The following AUTS2 variants were observed in gnomAD, a reference collection of about 807,000 sequenced individuals.
The protein encoded by AUTS2 is activator of transcription and developmental regulator AUTS2, also known as autism susceptibility gene 2 protein.
A neutral mutation model predicts 112.4 loss-of-function variants in AUTS2; 17 were observed. The observed-to-expected ratio is 0.15, with a 90% confidence interval of 0.10 to 0.23. The LOEUF (loss-of-function observed/expected upper bound fraction) is 0.23. AUTS2 is among the 10% of genes least tolerant of loss of function. AUTS2 has a pLI of 1.00. For missense variants in AUTS2, 1,510 were observed against 1,701.6 expected (o/e 0.89, Z 1.98); for synonymous variants, 751 against 702.7 (o/e 1.07, Z -1.09).
intron 4 of AUTS2, among the ~76,000 whole-genome samples, chr7:70,236,341 G>A (rs1004287953): frequency 3.9e-5 from 6 of 152,282 alleles, no homozygotes; most frequent in African/African-American, 1.4e-4. Context: ...CAGTATTTGT[G>A]ATTCTTCTAG....
intron 6 of AUTS2, among the ~76,000 whole-genome samples, chr7:70,703,586 T>A (rs570925790): frequency 8.5e-4 from 128 of 150,648 alleles, no homozygotes; most frequent in African/African-American, 2.9e-3. Flanking sequence ...AAGAAAAAAA[T>A]TTGGTTTACA....
At chr7:70,698,915 G>T in intron 6 of AUTS2, 1 of 256,746 alleles carries the variant, frequency 3.9e-6, no homozygotes, top group Non-Finnish European at 7.3e-6. Flanking sequence ...TTCTCAAAAT[G>T]CCTGAACTTT....
At chr7:70,586,462 G>A (rs563966034) in intron 5 of AUTS2, among the ~76,000 whole-genome samples, 32 of 152,050 alleles carry the variant, frequency 2.1e-4, no homozygotes, top group Non-Finnish European at 3.7e-4. Flanking sequence ...GTAGGGGAGT[G>A]TATTTGTTGG....
chr7:69,856,519 G>C (rs1253835264), intron 1 of AUTS2, among the ~76,000 whole-genome samples: 2 of 152,030 alleles, frequency 1.3e-5, no homozygotes, highest in Non-Finnish European at 1.5e-5. Context: ...TTATAAACAG[G>C]AGATCTTTTA....
intron 4 of AUTS2, among the ~76,000 whole-genome samples, chr7:70,214,944 GA>G (rs1285347921): frequency 2.0e-5 from 3 of 152,126 alleles, no homozygotes; most frequent in Non-Finnish European, 1.5e-5. Context: ...ATGATATCCA[GA>G]AGTTTCCAAG....
chr7:70,514,395 A>G (rs987265237), intron 5 of AUTS2, among the ~76,000 whole-genome samples: 1 of 152,238 alleles, frequency 6.6e-6, no homozygotes, highest in Non-Finnish European at 1.5e-5. Context: ...GCACCAGCAT[A>G]TGCTTGGCTT....
At chr7:70,607,905 A>T (rs917812180) in intron 5 of AUTS2, among the ~76,000 whole-genome samples, 2 of 152,216 alleles carry the variant, frequency 1.3e-5, no homozygotes, top group Non-Finnish European at 2.9e-5. Context: ...GGAACTGCAC[A>T]TGTGGAATGT....
chr7:70,755,408 T>C (rs1263204710), intron 6 of AUTS2, among the ~76,000 whole-genome samples: 3 of 152,174 alleles, frequency 2.0e-5, no homozygotes, highest in Non-Finnish European at 4.4e-5. Context: ...CTCACGCCTG[T>C]AATCCCAGCA....
chr7:70,763,175 C>T lies in AUTS2; in HGVS notation c.1048C>T (p.Leu350Phe), dbSNP rs773774632. Residue 350 changes from leucine to phenylalanine, a missense_variant, in exon 7 of 19, where the codon CTC becomes TTC. Around this residue, in one of 3 missense-constraint regions of AUTS2, gnomAD observed 535 missense variants for 594.3 expected, o/e 0.90. Transcript: ENST00000342771. ...ACCACAGGGCCCTCCTGAGGCCCAG[C>T]TCCAGCCTGCCCCGCAGCCTCAGGT... ...QPPQGPPEAQ[L>F]QPAPQPQVQR... 7 of 1,613,992 alleles carry T rather than the reference C, an allele frequency of 4.3e-6. No homozygotes were observed. Among genetic ancestry groups the T allele is most frequent in the Non-Finnish European group, 5.9e-6 (7 of 1,179,948 alleles).
At chr7:69,680,421 C>G (rs922549406) in intron 1 of AUTS2, among the ~76,000 whole-genome samples, 11 of 152,184 alleles carry the variant, frequency 7.2e-5, no homozygotes, top group African/African-American at 2.4e-4. Flanking sequence ...TGCTAGCATA[C>G]ACGCATTATC....
intron 5 of AUTS2, chr7:70,596,894 TACTA>T (rs1803239711): frequency 6.6e-6 from 1 of 152,210 alleles, no homozygotes; most frequent in Non-Finnish European, 1.5e-5. Context: ...GATTGGCAAT[TACTA>T]ACCAGGAAAA....
At chr7:69,967,050 T>A (rs1216257769) in intron 2 of AUTS2, among the ~76,000 whole-genome samples, 1 of 152,166 alleles carries the variant, frequency 6.6e-6, no homozygotes, top group Non-Finnish European at 1.5e-5. Context: ...CTGGAGAACT[T>A]AAGATGGATT....
At chr7:70,360,457 A>G (rs921451579) in intron 4 of AUTS2, among the ~76,000 whole-genome samples, 4 of 152,198 alleles carry the variant, frequency 2.6e-5, no homozygotes, top group Non-Finnish European at 5.9e-5. Context: ...GTATCTTTAA[A>G]TGGGTCCTTG....
At chr7:69,782,361 CTCT>C (rs1789178427) in intron 1 of AUTS2, among the ~76,000 whole-genome samples, 1 of 147,982 alleles carries the variant, frequency 6.8e-6, no homozygotes, top group African/African-American at 2.5e-5. Context: ...CCATCTCTCT[CTCT>C]TGTTTTTTTT....
At chr7:70,290,713 C>T in intron 4 of AUTS2, 1 of 1,252,868 alleles carries the variant, frequency 8.0e-7, no homozygotes, top group Non-Finnish European at 1.0e-6. Flanking sequence ...CAATTGTTAA[C>T]CTGCCCAGCT....
chr7:69,876,118 G>A (rs796165763), intron 1 of AUTS2, among the ~76,000 whole-genome samples: 86 of 150,912 alleles, frequency 5.7e-4, no homozygotes, highest in African/African-American at 2.0e-3. Flanking sequence ...TGTAATCCCA[G>A]CACTTTGGGA....
At chr7:70,513,031 C>T (rs571931231) in intron 5 of AUTS2, among the ~76,000 whole-genome samples, 1 of 152,300 alleles carries the variant, frequency 6.6e-6, no homozygotes, top group Admixed American at 6.5e-5. Context: ...CAGCTTTAAG[C>T]ACTCAAGTGT....
chr7:70,449,622 T>C (rs1158825487), intron 5 of AUTS2, among the ~76,000 whole-genome samples: 1 of 152,206 alleles, frequency 6.6e-6, no homozygotes, highest in African/African-American at 2.4e-5. Flanking sequence ...TTGACAGCCA[T>C]AGAAGCTGCC....
At chr7:70,121,554 A>G (rs906700199) in intron 3 of AUTS2, among the ~76,000 whole-genome samples, 2 of 152,224 alleles carry the variant, frequency 1.3e-5, no homozygotes, top group African/African-American at 4.8e-5. Flanking sequence ...AGAAGTACAA[A>G]GAAGAGGTAC....
Sources: gnomAD v4.1 joint callset for allele counts (sites outside exome capture counted in the v4.1 genomes callset) on GRCh38, gnomAD v4.1.1 for gene constraint, gnomAD v4.1.1 regional missense constraint, MANE v1.5 for transcripts, NCBI Gene and HGNC (gene_info 2026-07-23, HGNC 2026-07-21) for gene names.